HYCC1: variants seen among roughly 807,000 people sequenced by gnomAD.
The protein encoded by HYCC1 is hyccin PI4KA lipid kinase complex subunit 1.
At chr7:22,922,585 T>C in the HYCC1 span, among the ~76,000 whole-genome samples, 3 of 152,230 alleles carry the variant, frequency 2.0e-5, no homozygotes, top group East Asian at 5.8e-4. Context: ...TAAATTCATA[T>C]CACTTTCACA....
chr7:22,930,297 C>G, the HYCC1 span, among the ~76,000 whole-genome samples: 1 of 133,164 alleles, frequency 7.5e-6, no homozygotes, highest in African/African-American at 2.9e-5. Flanking sequence ...ACATATGTAA[C>G]AAACCTGCAC....
the HYCC1 span, among the ~76,000 whole-genome samples, chr7:22,960,915 G>T: frequency 6.6e-6 from 1 of 152,212 alleles, no homozygotes; most frequent in African/African-American, 2.4e-5. Flanking sequence ...GCTGGGCATG[G>T]TGGCACGTGC....
At chr7:22,955,523 A>G in the HYCC1 span, among the ~76,000 whole-genome samples, 1 of 151,692 alleles carries the variant, frequency 6.6e-6, no homozygotes, top group African/African-American at 2.4e-5. Flanking sequence ...TTGGAACTAT[A>G]ACTTAATTAG....
the HYCC1 span, among the ~76,000 whole-genome samples, chr7:22,903,550 T>C: frequency 6.6e-6 from 1 of 152,184 alleles, no homozygotes; most frequent in Non-Finnish European, 1.5e-5. Context: ...TCTATCTCTG[T>C]TAAAAGAAAT....
the HYCC1 span, among the ~76,000 whole-genome samples, chr7:22,979,442 C>T: frequency 6.6e-6 from 1 of 152,050 alleles, no homozygotes; most frequent in African/African-American, 2.4e-5. Flanking sequence ...GGAAAGATAA[C>T]AGAAAAACAG....
the HYCC1 span, among the ~76,000 whole-genome samples, chr7:22,905,123 A>G: frequency 1.3e-5 from 2 of 152,150 alleles, no homozygotes; most frequent in Non-Finnish European, 2.9e-5. Flanking sequence ...GGTTGGCACT[A>G]AGCCATTCAT....
the HYCC1 span, among the ~76,000 whole-genome samples, chr7:22,999,570 CCCGTTCA>C: frequency 6.6e-6 from 1 of 152,032 alleles, no homozygotes; most frequent in Non-Finnish European, 1.5e-5. Context: ...AAGTCGACAG[CCCGTTCA>C]TATAATTTAT....
the HYCC1 span, among the ~76,000 whole-genome samples, chr7:22,954,457 A>C: frequency 6.6e-6 from 1 of 151,256 alleles, no homozygotes; most frequent in Non-Finnish European, 1.5e-5. Context: ...TAAGCAAATT[A>C]TGAAACAAAT....
the HYCC1 span, among the ~76,000 whole-genome samples, chr7:22,921,494 G>C: frequency 6.6e-6 from 1 of 152,080 alleles, no homozygotes; most frequent in Admixed American, 6.5e-5. Context: ...TGTATTCTTG[G>C]GTTTGTAGAA....
chr7:22,921,214 A>C, the HYCC1 span, among the ~76,000 whole-genome samples: 1 of 152,268 alleles, frequency 6.6e-6, no homozygotes, highest in Admixed American at 6.5e-5. Flanking sequence ...ATGTATGTAT[A>C]TATGTTTGCA....
At chr7:22,913,110 G>A in the HYCC1 span, among the ~76,000 whole-genome samples, 1 of 146,170 alleles carries the variant, frequency 6.8e-6, no homozygotes, top group Admixed American at 7.1e-5. Flanking sequence ...GGCAACAAGA[G>A]CGAAACTCCA....
At chr7:22,963,048 T>C in the HYCC1 span, among the ~76,000 whole-genome samples, 3 of 152,144 alleles carry the variant, frequency 2.0e-5, no homozygotes, top group Admixed American at 1.3e-4. Context: ...CACTTCTGCC[T>C]ATAATAATTC....
chr7:22,911,027 G>T, the HYCC1 span, among the ~76,000 whole-genome samples: 2 of 152,146 alleles, frequency 1.3e-5, no homozygotes, highest in Non-Finnish European at 2.9e-5. Flanking sequence ...TAGTATAAAT[G>T]AAGCCTACAG....
chr7:22,983,929 C>G, the HYCC1 span: 1 of 1,427,584 alleles, frequency 7.0e-7, no homozygotes, highest in Non-Finnish European at 9.9e-7. Context: ...CACAATAAAC[C>G]ATAAAAGTAC....
the HYCC1 span, among the ~76,000 whole-genome samples, chr7:22,926,517 G>C: frequency 6.6e-6 from 1 of 152,022 alleles, no homozygotes; most frequent in Non-Finnish European, 1.5e-5. Flanking sequence ...AACAAAAAAA[G>C]GCAGGGGTTC....
At chr7:23,004,087 T>C in the HYCC1 span, among the ~76,000 whole-genome samples, 2 of 152,224 alleles carry the variant, frequency 1.3e-5, no homozygotes, top group South Asian at 4.1e-4. Flanking sequence ...TATAAAATTA[T>C]TTTTAAGATA....
the HYCC1 span, chr7:22,964,585 T>C: frequency 3.0e-5 from 30 of 986,630 alleles, no homozygotes; most frequent in East Asian, 5.6e-4. Context: ...TTAGGTGATT[T>C]ATTTTAACAT....
the HYCC1 span, among the ~76,000 whole-genome samples, chr7:22,972,699 C>G: frequency 6.6e-6 from 1 of 152,196 alleles, no homozygotes. Flanking sequence ...AGCTTCCTGA[C>G]TATAGCTTAT....
the HYCC1 span, among the ~76,000 whole-genome samples, chr7:22,918,432 T>C: frequency 6.6e-6 from 1 of 152,068 alleles, no homozygotes; most frequent in South Asian, 2.1e-4. Flanking sequence ...CTAATCCCAC[T>C]AGAAGCAGCC....
Sources: allele counts gnomAD v4.1 joint callset (sites outside exome capture counted in the v4.1 genomes callset), GRCh38; gene constraint gnomAD v4.1.1; transcripts MANE v1.5; gene names NCBI Gene and HGNC (gene_info 2026-07-23, HGNC 2026-07-21).